The following PWWP2A variants were observed in gnomAD, a reference collection of about 807,000 sequenced individuals.
PWWP2A encodes the protein PWWP domain containing 2A.
PWWP2A carries 18 observed loss-of-function variants against 48.5 expected under a neutral mutation model. The ratio of observed to expected loss-of-function variants is 0.37; its 90% CI spans 0.26 to 0.55. PWWP2A has a LOEUF of 0.55. PWWP2A is among the 20% of genes least tolerant of loss of function. PWWP2A has a pLI of 0.81. For missense variants in PWWP2A, 867 were observed against 976.4 expected, an observed-to-expected ratio of 0.89 and a Z score of 1.49; for synonymous variants, 396 against 387.7, an observed-to-expected ratio of 1.02 and a Z score of -0.25.
chr5:160,072,157 G>A (rs1561647264), downstream of PWWP2A, among the ~76,000 whole-genome samples: 1 of 152,214 alleles, frequency 6.6e-6, no homozygotes, highest in Non-Finnish European at 1.5e-5. Context: ...AAGCTGTACA[G>A]GGAAAGGAAG....
exon 5 of PWWP2A, chr5:160,063,620 AT>A (rs1753499510): frequency 6.6e-6 from 1 of 152,194 alleles, no homozygotes; most frequent in South Asian, 2.1e-4. Context: ...ACCTCTGGTG[AT>A]TAGGGATTTC....
the PWWP2A span, among the ~76,000 whole-genome samples, chr5:160,049,030 G>A: frequency 6.6e-6 from 1 of 152,166 alleles, no homozygotes; most frequent in Non-Finnish European, 1.5e-5. Flanking sequence ...TAAATGACAA[G>A]TAGGCAAAAA....
chr5:160,115,340 G>C (rs541100114), intron 1 of PWWP2A, among the ~76,000 whole-genome samples: 1 of 151,998 alleles, frequency 6.6e-6, no homozygotes, highest in Non-Finnish European at 1.5e-5. Flanking sequence ...AGGATCGCTT[G>C]AGCCCAGGAG....
At chr5:160,116,325 G>A (rs1328488746) in intron 1 of PWWP2A, among the ~76,000 whole-genome samples, 1 of 152,128 alleles carries the variant, frequency 6.6e-6, no homozygotes, top group Admixed American at 6.6e-5. Context: ...CCAAAGTGCT[G>A]GGCCCCTGTA....
chr5:160,095,290 T>C (rs113532646), intron 1 of PWWP2A, among the ~76,000 whole-genome samples: 1,803 of 152,214 alleles, frequency 0.012, 19 homozygotes, highest in Non-Finnish European at 0.019. Flanking sequence ...TGGTATCTAA[T>C]ACGAATCTTT....
chr5:160,061,718 G>T (rs1336328225), downstream of PWWP2A: 4 of 152,070 alleles, frequency 2.6e-5, no homozygotes, highest in East Asian at 1.9e-4. Context: ...TGTTATAAAG[G>T]CAGAGATACT....
chr5:160,048,313 A>G, the PWWP2A span, among the ~76,000 whole-genome samples: 1 of 151,892 alleles, frequency 6.6e-6, no homozygotes, highest in Admixed American at 6.6e-5. Context: ...TGCCACGCCC[A>G]GCTAATTTTT....
rs1186483141 is a variant in PWWP2A at position 160,078,653 on chromosome 5, A to AG, written c.1670-486dup. Among the ~76,000 whole-genome samples, 1 of 152,206 alleles carries AG rather than the reference A, an allele frequency of 6.6e-6. No homozygotes were observed. Among genetic ancestry groups the AG allele is most frequent in the Admixed American group, 6.5e-5 (1 of 15,276 alleles). On this transcript the variant is annotated intron_variant, in intron 3 of 3. Coordinates refer to the PWWP2A transcript ENST00000456329. This position sits in a 1 kb window ranked among gnomAD's most constrained non-coding sequence, Gnocchi z 4.2. ...TACAGAGCCAGGCTATGTACAAATC[A>AG]GCAGCAGGTCACACTGTCCACATAC...
downstream of PWWP2A, among the ~76,000 whole-genome samples, chr5:160,059,309 C>T (rs147685908): frequency 1.8e-3 from 281 of 152,314 alleles, no homozygotes; most frequent in African/African-American, 6.5e-3. Flanking sequence ...TCACTTTGCA[C>T]GTTTATGTTA....
the PWWP2A span, among the ~76,000 whole-genome samples, chr5:160,052,130 C>A: frequency 6.6e-6 from 1 of 152,176 alleles, no homozygotes. Flanking sequence ...ACGGCTGCTT[C>A]CGATTCAGGA....
rs1755352331 is a variant in PWWP2A at position 160,093,957 on chromosome 5, G to A, written c.693C>T (p.Val231=). The part of the protein sequence containing the change: ...QSNTFQEGTE[V]KCEANGAVPD... ...GAACAGCACCATTTGCTTCACACTT[G>A]ACTTCTGTCCCTTCTTGGAATGTAT... The change falls in exon 2 of 2, where the codon GTC becomes GTT. Residue 231 remains valine (V), a synonymous_variant. Coordinates refer to ENST00000307063, the MANE Select transcript of PWWP2A (RefSeq NM_001130864.2). This position sits in a 1 kb window ranked among gnomAD's most constrained non-coding sequence, Gnocchi z 5.8. The A allele has an allele frequency of 6.2e-7, 1 of 1,613,892 alleles. No individual in the cohort carries two copies.
intron 1 of PWWP2A, among the ~76,000 whole-genome samples, chr5:160,095,165 T>C (rs1755506633): frequency 6.6e-6 from 1 of 152,000 alleles, no homozygotes; most frequent in Non-Finnish European, 1.5e-5. Flanking sequence ...ACCTTGTATT[T>C]TGTGATACAT....
the PWWP2A span, chr5:160,049,529 C>A: frequency 1.3e-6 from 2 of 1,570,380 alleles, no homozygotes; most frequent in Non-Finnish European, 1.7e-6. Context: ...CAATTAAACC[C>A]CAGCTATATC....
At chr5:160,082,260 C>T (rs998610734) in intron 2 of PWWP2A, among the ~76,000 whole-genome samples, 2 of 151,606 alleles carry the variant, frequency 1.3e-5, no homozygotes, top group East Asian at 1.9e-4. Context: ...CTGGCTAACA[C>T]GGTGAAACCC....
chr5:160,117,113 T>A (rs917173667), intron 1 of PWWP2A, among the ~76,000 whole-genome samples: 9 of 151,622 alleles, frequency 5.9e-5, no homozygotes, highest in African/African-American at 1.9e-4. Flanking sequence ...AATAAATAAA[T>A]AAAATACATC....
chr5:160,046,001 A>G, the PWWP2A span, among the ~76,000 whole-genome samples: 4 of 152,290 alleles, frequency 2.6e-5, no homozygotes, highest in African/African-American at 9.6e-5. Context: ...TCGTCCTCCC[A>G]AAGTGCTGAG....
At chr5:160,045,520 A>ACACACACACACACACTCT in the PWWP2A span, among the ~76,000 whole-genome samples, 1 of 54,882 alleles carries the variant, frequency 1.8e-5, no homozygotes, top group Admixed American at 2.3e-4. Flanking sequence ...ACACATACAC[A>ACACACACACACACACTCT]CTCTCTCTCT....
downstream of PWWP2A, among the ~76,000 whole-genome samples, chr5:160,075,253 C>T (rs1753841203): frequency 6.6e-6 from 1 of 152,042 alleles, no homozygotes; most frequent in Non-Finnish European, 1.5e-5. Flanking sequence ...CCTGTGGTCT[C>T]TTTTTTACAC....
chr5:160,082,211 G>A lies in PWWP2A; in HGVS notation c.1550-1441C>T, dbSNP rs896076773. Among the ~76,000 whole-genome samples, 4 of 152,108 alleles carry A rather than the reference G, an allele frequency of 2.6e-5. No homozygotes were observed. The East Asian group carries it at 5.8e-4, about 22-fold the overall frequency. ...TGTAATCCCAGCACTTTGGGAGGCC[G>A]AGGCGGGTGGATCACGAGGTCAGGA... On this transcript the variant is annotated intron_variant, in intron 2 of 3. Coordinates refer to the PWWP2A transcript ENST00000456329.
Sources: gnomAD v4.1 joint callset for allele counts (sites outside exome capture counted in the v4.1 genomes callset) on GRCh38, gnomAD v4.1.1 for gene constraint, Gnocchi (gnomAD v3.1) non-coding constraint, MANE v1.5 for transcripts, NCBI Gene and HGNC (gene_info 2026-07-23, HGNC 2026-07-21) for gene names.